CCNY: variants seen among roughly 807,000 people sequenced by gnomAD.
The protein encoded by CCNY is cyclin Y.
Under a neutral mutation model 42.8 loss-of-function variants are expected in CCNY, and 19 were observed. The ratio of observed to expected loss-of-function variants is 0.44; its 90% CI spans 0.31 to 0.65. The LOEUF (loss-of-function observed/expected upper bound fraction) is 0.65. Ranked by LOEUF, CCNY falls within the 30% of genes least tolerant of loss-of-function variation. The pLI is 0.07. For missense variants in CCNY, 370 were observed against 437.3 expected (o/e 0.85, Z 1.37); for synonymous variants, 165 against 162.7 (o/e 1.01, Z -0.11).
chr10:35,492,589 T>G (rs2135380125), intron 2 of CCNY, among the ~76,000 whole-genome samples: 1 of 152,366 alleles, frequency 6.6e-6, no homozygotes, highest in Middle Eastern at 3.4e-3. Flanking sequence ...ATAAATAGCT[T>G]TCTGTTTATC....
chr10:35,400,360 T>C (rs1213582507), intron 1 of CCNY, among the ~76,000 whole-genome samples: 1 of 152,150 alleles, frequency 6.6e-6, no homozygotes, highest in Non-Finnish European at 1.5e-5. Flanking sequence ...CCCCTCACCT[T>C]GGGAATGAAT....
intron 3 of CCNY, among the ~76,000 whole-genome samples, chr10:35,288,777 A>G (rs1252084102): frequency 6.6e-6 from 1 of 152,202 alleles, no homozygotes; most frequent in African/African-American, 2.4e-5. Flanking sequence ...TCTGTTGGAA[A>G]TCAATTGGCC....
At chr10:35,551,896 G>A (rs1044260801) in intron 7 of CCNY, among the ~76,000 whole-genome samples, 1 of 152,188 alleles carries the variant, frequency 6.6e-6, no homozygotes. Context: ...GGGAGGATGT[G>A]GAGAAATTGG....
At chr10:35,293,785 T>C (rs1835441424) in intron 3 of CCNY, among the ~76,000 whole-genome samples, 1 of 151,738 alleles carries the variant, frequency 6.6e-6, no homozygotes, top group Non-Finnish European at 1.5e-5. Flanking sequence ...AGACATACAA[T>C]TGATTTTTTT....
intron 1 of CCNY, among the ~76,000 whole-genome samples, chr10:35,432,849 G>T (rs1020252270): frequency 6.6e-6 from 1 of 152,194 alleles, no homozygotes; most frequent in Non-Finnish European, 1.5e-5. Flanking sequence ...ATACAGCAAA[G>T]GTGCCCCAGG....
intron 3 of CCNY, among the ~76,000 whole-genome samples, chr10:35,283,855 G>A (rs896295656): frequency 1.3e-5 from 2 of 152,178 alleles, no homozygotes; most frequent in African/African-American, 4.8e-5. Flanking sequence ...AGGCCGAGGA[G>A]GGCGGATCAC....
chr10:35,529,118 G>T (rs1840711258), intron 5 of CCNY, among the ~76,000 whole-genome samples: 1 of 152,312 alleles, frequency 6.6e-6, no homozygotes, highest in South Asian at 2.1e-4. Context: ...AAGTGGTTCT[G>T]TGCACGTACC....
At chr10:35,363,851 C>T (rs948774193) in intron 1 of CCNY, among the ~76,000 whole-genome samples, 3 of 151,964 alleles carry the variant, frequency 2.0e-5, no homozygotes, top group African/African-American at 7.3e-5. Context: ...CAGAGTTGAC[C>T]CTGAGTCTTT....
chr10:35,514,075 C>CAAAAAAAAAAAAAAAAAAA (rs11451104), intron 3 of CCNY, among the ~76,000 whole-genome samples: 2 of 76,180 alleles, frequency 2.6e-5, no homozygotes, highest in African/African-American at 5.0e-5. Flanking sequence ...AGGACCAGTT[C>CAAAAAAAAAAAAAAAAAAA]AAAAAAAAAA....
intron 3 of CCNY, among the ~76,000 whole-genome samples, chr10:35,326,810 A>ACC (rs2135100756): frequency 6.6e-6 from 1 of 152,288 alleles, no homozygotes; most frequent in South Asian, 2.1e-4. Context: ...GATCGCTGGA[A>ACC]CCCAGGGGTT....
chr10:35,442,612 A>G (rs1217937341), intron 1 of CCNY, among the ~76,000 whole-genome samples: 1 of 152,200 alleles, frequency 6.6e-6, no homozygotes, highest in East Asian at 1.9e-4. Context: ...ATACTGAGAT[A>G]TGAAACAGCA....
intron 3 of CCNY, among the ~76,000 whole-genome samples, chr10:35,324,125 C>T (rs540489892): frequency 1.3e-4 from 20 of 152,110 alleles, no homozygotes; most frequent in African/African-American, 3.4e-4. Flanking sequence ...ACCCAGGAAA[C>T]GAGGCTCAAT....
intron 3 of CCNY, among the ~76,000 whole-genome samples, chr10:35,319,413 A>G (rs1474470357): frequency 6.6e-6 from 1 of 152,166 alleles, no homozygotes; most frequent in Non-Finnish European, 1.5e-5. Context: ...AAACAATAAG[A>G]GCAAGCAGGA....
chr10:35,302,886 T>C (rs1287780507), intron 3 of CCNY, among the ~76,000 whole-genome samples: 1 of 152,120 alleles, frequency 6.6e-6, no homozygotes, highest in East Asian at 1.9e-4. Context: ...ACCAAAACAA[T>C]ATTTATTAGA....
intron 1 of CCNY, among the ~76,000 whole-genome samples, chr10:35,402,926 TGAA>T (rs1172795856): frequency 1.3e-5 from 2 of 152,092 alleles, no homozygotes; most frequent in Non-Finnish European, 1.5e-5. Flanking sequence ...AAGGCTAAAC[TGAA>T]GAATTATGTC....
chr10:35,307,651 G>A (rs946383355), intron 3 of CCNY, among the ~76,000 whole-genome samples: 1 of 149,770 alleles, frequency 6.7e-6, no homozygotes, highest in Non-Finnish European at 1.5e-5. Flanking sequence ...CAACAACCCC[G>A]AAATAAGGTT....
At chr10:35,347,719 A>G (rs1284102737) in intron 1 of CCNY, among the ~76,000 whole-genome samples, 1 of 152,188 alleles carries the variant, frequency 6.6e-6, no homozygotes, top group Non-Finnish European at 1.5e-5. Flanking sequence ...ATTTCACTCC[A>G]AATTTAGAAT....
chr10:35,408,854 G>A (rs543417699), intron 1 of CCNY, among the ~76,000 whole-genome samples: 4 of 152,124 alleles, frequency 2.6e-5, no homozygotes, highest in East Asian at 3.9e-4. Context: ...AGAGGTTTAC[G>A]CTAGAAATGG....
At chr10:35,455,949 GT>G (rs1004483948) in intron 1 of CCNY, among the ~76,000 whole-genome samples, 1 of 151,716 alleles carries the variant, frequency 6.6e-6, no homozygotes, top group African/African-American at 2.4e-5. Flanking sequence ...ATCCCAAAGT[GT>G]TGGGATTACA....
Sources: gnomAD v4.1 joint callset for allele counts (sites outside exome capture counted in the v4.1 genomes callset) on GRCh38, gnomAD v4.1.1 for gene constraint, MANE v1.5 for transcripts, NCBI Gene and HGNC (gene_info 2026-07-23, HGNC 2026-07-21) for gene names.